The following HFM1 variants were observed in gnomAD, a reference collection of about 807,000 sequenced individuals.
HFM1 encodes the protein helicase for meiosis 1.
HFM1 carries 169 observed loss-of-function variants against 192.1 expected under a neutral mutation model. The observed-to-expected ratio is 0.88, with a 90% CI of 0.78 to 1.00. The LOEUF (loss-of-function observed/expected upper bound fraction) is 1.00. HFM1 is among the 50% of genes least tolerant of loss of function. The pLI is 0.00. For missense variants in HFM1, 1,661 were observed against 1,668.0 expected (o/e 1.00, Z 0.07); for synonymous variants, 525 against 537.8 (o/e 0.98, Z 0.33).
chr1:91,342,970 G>A (rs961691087), intron 20 of HFM1, among the ~76,000 whole-genome samples: 2 of 152,122 alleles, frequency 1.3e-5, no homozygotes, highest in South Asian at 4.1e-4. Context: ...GCTCAAGCCT[G>A]TAATCCCAGC....
At chr1:91,379,597 T>C (rs1408127086) in intron 8 of HFM1, among the ~76,000 whole-genome samples, 1 of 152,110 alleles carries the variant, frequency 6.6e-6, no homozygotes, top group African/African-American at 2.4e-5. Context: ...TTAGACAAGC[T>C]TGATTTAGAG....
At chr1:91,365,062 T>C (rs1290450832) in intron 13 of HFM1, among the ~76,000 whole-genome samples, 2 of 152,058 alleles carry the variant, frequency 1.3e-5, no homozygotes, top group African/African-American at 4.8e-5. Context: ...CTGGAGTACA[T>C]TGCTAAGACA....
intron 20 of HFM1, chr1:91,328,652 A>C: frequency 6.3e-7 from 1 of 1,592,692 alleles, no homozygotes; most frequent in South Asian, 1.1e-5. Flanking sequence ...ACGCCACCAC[A>C]GCACAAGTCA....
chr1:91,324,141 C>A (rs1279736474), intron 21 of HFM1, among the ~76,000 whole-genome samples: 1 of 152,172 alleles, frequency 6.6e-6, no homozygotes, highest in Non-Finnish European at 1.5e-5. Context: ...GATATTTTAG[C>A]ATAACCTGTT....
intron 34 of HFM1, among the ~76,000 whole-genome samples, chr1:91,271,638 G>A (rs1418832207): frequency 6.6e-6 from 1 of 152,028 alleles, no homozygotes; most frequent in Non-Finnish European, 1.5e-5. Context: ...TACAGGAGGA[G>A]AGATATGCCT....
In HFM1 at chr1:91,266,958, T is replaced by G. The variant is rs527606444; in HGVS notation, c.3883+787A>C. Among the ~76,000 whole-genome samples, 81 of 152,328 alleles carry G rather than the reference T, an allele frequency of 5.3e-4. No homozygotes were observed. In the Middle Eastern group the frequency reaches 0.017, roughly 32 times the overall value. ...AAACAATAACATTTCAACTTCTAAC[T>G]GCTTCCCTTTGAAATACTCTTTTAA... is the stretch of plus-strand genomic sequence containing the variant. On this transcript the variant is annotated intron_variant, in intron 35 of 38. Coordinates refer to ENST00000370425, the MANE Select transcript of HFM1 (RefSeq NM_001017975.6).
At chr1:91,298,659 A>C (rs1463896146) in intron 30 of HFM1, among the ~76,000 whole-genome samples, 2 of 152,222 alleles carry the variant, frequency 1.3e-5, no homozygotes, top group Non-Finnish European at 2.9e-5. Context: ...AAGAATTTTC[A>C]ACCCAGAATT....
At chr1:91,399,841 C>T (rs929572670) in intron 2 of HFM1, among the ~76,000 whole-genome samples, 4 of 152,166 alleles carry the variant, frequency 2.6e-5, no homozygotes, top group African/African-American at 7.2e-5. Flanking sequence ...TTGCTTTGCA[C>T]ATATTTTTGA....
intron 30 of HFM1, among the ~76,000 whole-genome samples, chr1:91,295,562 C>G (rs1647416146): frequency 1.3e-5 from 2 of 152,164 alleles, no homozygotes; most frequent in African/African-American, 4.8e-5. Flanking sequence ...TTTACAGACC[C>G]TATCTCCAAA....
chr1:91,363,983 G>A (rs1007338642), intron 13 of HFM1, among the ~76,000 whole-genome samples: 2 of 152,138 alleles, frequency 1.3e-5, no homozygotes, highest in African/African-American at 4.8e-5. Context: ...GGAGCTGAAT[G>A]ATGATAACAC....
At chr1:91,403,831 T>C (rs1357543082) in intron 1 of HFM1, among the ~76,000 whole-genome samples, 1 of 152,226 alleles carries the variant, frequency 6.6e-6, no homozygotes, top group Non-Finnish European at 1.5e-5. Flanking sequence ...TCTTTAGTTA[T>C]ATTAATGACA....
intron 10 of HFM1, 82 bp from the exon 11 acceptor site, chr1:91,378,265 A>T (rs1661147696): frequency 1.6e-6 from 2 of 1,282,762 alleles, no homozygotes; most frequent in East Asian, 5.1e-5. Context: ...TAATATTAAC[A>T]TTCTTGCTTG....
At chr1:91,302,684 CA>C (rs1199413014) in intron 30 of HFM1, among the ~76,000 whole-genome samples, 3 of 140,356 alleles carry the variant, frequency 2.1e-5, no homozygotes, top group South Asian at 2.2e-4. Flanking sequence ...ATCGCAAGGA[CA>C]AAAAACCAAA....
chr1:91,355,568 T>C (rs948476303), intron 13 of HFM1, among the ~76,000 whole-genome samples: 3 of 152,146 alleles, frequency 2.0e-5, no homozygotes, highest in Admixed American at 6.6e-5. Context: ...AGGGTGGCTA[T>C]TCTTACATCA....
At chr1:91,336,385 C>G (rs1026877787) in intron 20 of HFM1, among the ~76,000 whole-genome samples, 1 of 151,638 alleles carries the variant, frequency 6.6e-6, no homozygotes, top group African/African-American at 2.4e-5. Context: ...CCTTCCTACC[C>G]TCCTCCCCTT....
chr1:91,298,966 A>AT (rs1648190565), intron 30 of HFM1, among the ~76,000 whole-genome samples: 1 of 152,192 alleles, frequency 6.6e-6, no homozygotes, highest in Non-Finnish European at 1.5e-5. Flanking sequence ...AATGGGCTAA[A>AT]TGCTCCAATT....
At chr1:91,376,256 G>C (rs972520621) in intron 11 of HFM1, among the ~76,000 whole-genome samples, 2 of 151,952 alleles carry the variant, frequency 1.3e-5, no homozygotes, top group Non-Finnish European at 2.9e-5. Context: ...TGGAACTGTG[G>C]TAAGCAATCC....
intron 20 of HFM1, chr1:91,328,297 C>A: frequency 8.3e-7 from 1 of 1,199,814 alleles, no homozygotes; most frequent in Non-Finnish European, 1.1e-6. Flanking sequence ...GGCTTAGGAC[C>A]GCCTGCCCAG....
intron 13 of HFM1, among the ~76,000 whole-genome samples, chr1:91,372,338 C>T (rs930073215): frequency 8.5e-5 from 13 of 152,242 alleles, no homozygotes; most frequent in Non-Finnish European, 1.5e-4. Flanking sequence ...GGAACCAACC[C>T]AAATGTCCAA....
Sources: allele counts gnomAD v4.1 joint callset (sites outside exome capture counted in the v4.1 genomes callset), GRCh38; gene constraint gnomAD v4.1.1; transcripts MANE v1.5; gene names NCBI Gene and HGNC (gene_info 2026-07-23, HGNC 2026-07-21).